The following PARG variants were observed in gnomAD, a reference collection of about 807,000 sequenced individuals.
The protein encoded by PARG is mitochondrial poly(ADP-ribose) glycohydrolase.
In PARG, 35 loss-of-function variants were observed where a neutral mutation model predicts 113.0. The observed-to-expected ratio is 0.31, with a 90% CI of 0.24 to 0.41. The LOEUF (loss-of-function observed/expected upper bound fraction) is 0.41, where lower values mean the gene tolerates loss of function less well. Among genes scored for constraint, PARG ranks in the 10% least tolerant of loss-of-function variants. The pLI is 1.00. For synonymous variants in PARG, 330 were observed against 409.9 expected (o/e 0.81, Z 2.36); for missense variants, 797 against 1,169.4 (o/e 0.68, Z 4.64).
chr10:49,832,966 G>T, intron 15 of PARG, 58 bp from the exon 16 acceptor site: 1 of 875,152 alleles, frequency 1.1e-6, no homozygotes, highest in Non-Finnish European at 1.8e-6. Flanking sequence ...CAGTGTTTCT[G>T]ACTGATGTAC....
In PARG at chr10:49,857,441, T is replaced by C. The variant is rs1253871270; in HGVS notation, c.2218A>G (p.Asn740Asp). The change falls in exon 13 of 18, where the codon AAT (asparagine) becomes GAT (aspartate). Residue 740 changes from asparagine to aspartate, a missense_variant. Coordinates refer to ENST00000616448, the MANE Select transcript of PARG (RefSeq NM_003631.5). ...GQGMLQVDFA[N>D]RFVGGGVTSA... The stretch of plus-strand genomic sequence containing the variant: ...GTTACACCACCTCCAACAAAACGAT[T>C]TGCAAAATCCACCTGTTGGGGAAAT... 5 of 1,612,736 alleles carry C rather than the reference T, an allele frequency of 3.1e-6. No homozygotes were observed. In the African/African-American group the frequency reaches 4.0e-5, roughly 13 times the overall value.
At chr10:49,879,231 A>G (rs1554838970) in intron 9 of PARG, among the ~76,000 whole-genome samples, 5 of 152,138 alleles carry the variant, frequency 3.3e-5, no homozygotes, top group Non-Finnish European at 7.3e-5. Context: ...AAGACAGCTC[A>G]TGACTTTAGA....
chr10:49,893,007 G>C (rs1415857909), intron 7 of PARG, among the ~76,000 whole-genome samples: 4 of 152,146 alleles, frequency 2.6e-5, no homozygotes, highest in Admixed American at 1.3e-4. Flanking sequence ...CTGTCCCCAG[G>C]TTTTGGCTAT....
Position 49,922,361 on chromosome 10 carries a change from T to C in PARG, c.1637A>G (p.Lys546Arg), listed in dbSNP as rs1554849510. The C allele has an allele frequency of 6.2e-7, 1 of 1,605,020 alleles. No homozygotes were observed. The highest frequency in any genetic ancestry group is 1.3e-5 in the African/African-American group (1 of 74,826). Residue 546 changes from lysine to arginine, a missense_variant, in exon 6 of 18, where the codon AAA (lysine) becomes AGA (arginine). Physicochemically the swap from Lys to Arg is conservative, Grantham distance 26. Coordinates refer to ENST00000616448, the MANE Select transcript of PARG (RefSeq NM_003631.5). ...WELIQTALLNKFTRPQNLKDA... is the reference protein window; with the variant it reads ...WELIQTALLNRFTRPQNLKDA... ...CTTCAAGTTTTGGGGTCGTGTAAATTTGTTGAGAAGTGCAGTCTGAATGAG... is the reference window on the plus strand; with the variant it reads ...CTTCAAGTTTTGGGGTCGTGTAAATCTGTTGAGAAGTGCAGTCTGAATGAG...
At chr10:49,907,808 T>C (rs1422265747) in intron 7 of PARG, among the ~76,000 whole-genome samples, 1 of 152,160 alleles carries the variant, frequency 6.6e-6, no homozygotes, top group South Asian at 2.1e-4. Context: ...AGCTAGCTGA[T>C]AGAGATATAA....
chr10:49,940,498 C>T (rs1838980150), intron 1 of PARG, among the ~76,000 whole-genome samples: 1 of 147,588 alleles, frequency 6.8e-6, no homozygotes, highest in African/African-American at 2.5e-5. Context: ...ATATCAATTG[C>T]ACTCCTGTTT....
At chr10:49,933,036 T>C (rs1271911203) in intron 3 of PARG, 141 bp downstream of exon 3, 6 of 643,976 alleles carry the variant, frequency 9.3e-6, no homozygotes, top group African/African-American at 7.3e-5. Context: ...CTTTGGAGTC[T>C]AGGTTTAAAT....
intron 4 of PARG, among the ~76,000 whole-genome samples, chr10:49,929,028 AAT>A (rs1838357213): frequency 6.6e-6 from 1 of 152,244 alleles, no homozygotes; most frequent in African/African-American, 2.4e-5. Flanking sequence ...TATTTTTTAC[AAT>A]AGTCTTGCAT....
In PARG at chr10:49,941,568, G is replaced by A; in HGVS notation, c.158C>T (p.Ser53Phe). Residue 53 changes from serine (S) to phenylalanine (F), a missense_variant, in exon 1 of 18, where the codon TCC becomes TTC. This residue lies in a region of PARG where 284 missense variants were observed against 306.1 expected (regional missense o/e 0.93). Transcript: ENST00000616448. ...DAHVQFRVPP[S>F]SPACVPGRAG... is the part of the protein sequence containing the mutation. The stretch of plus-strand genomic sequence containing the variant: ...CCGCCCTGGGACGCAGGCTGGCGAG[G>A]ACGGTGGGACCCTGAACTGCACGTG... 1.3e-6 allele frequency: 2 copies of A among 1,561,030 alleles called. No individual in the cohort carries two copies. Among genetic ancestry groups the A allele is most frequent in the South Asian group, 2.4e-5 (2 of 84,530 alleles).
chr10:49,828,092 CAAAAAAAAAAAAAAAAAAAA>C (rs71026274), intron 16 of PARG, among the ~76,000 whole-genome samples: 1 of 50,368 alleles, frequency 2.0e-5, no homozygotes, highest in Admixed American at 3.3e-4. Flanking sequence ...AAAGCTTAAA[CAAAAAAAAAAAAAAAAAAAA>C]AAAAAAAAAA....
At chr10:49,916,053 G>T (rs188837277) in intron 6 of PARG, 62 bp from the exon 7 acceptor site, 8 of 858,214 alleles carry the variant, frequency 9.3e-6, no homozygotes, top group Admixed American at 8.0e-5. Flanking sequence ...CCTATGAAGA[G>T]CCTGTCTCTT....
chr10:49,836,407 C>T (rs1320398348), intron 15 of PARG, among the ~76,000 whole-genome samples: 1 of 142,110 alleles, frequency 7.0e-6, no homozygotes, highest in Non-Finnish European at 1.5e-5. Context: ...AAGCGATTCT[C>T]CTGCCTCGGC....
intron 13 of PARG, among the ~76,000 whole-genome samples, chr10:49,844,777 C>T (rs1019315582): frequency 6.6e-5 from 10 of 151,824 alleles, no homozygotes; most frequent in African/African-American, 2.2e-4. Context: ...AAAAAACAAA[C>T]GAACAAACAA....
chr10:49,868,118 G>C (rs1454237521), intron 10 of PARG, among the ~76,000 whole-genome samples: 4 of 152,130 alleles, frequency 2.6e-5, no homozygotes, highest in Non-Finnish European at 5.9e-5. Context: ...CTCCCGAGTA[G>C]CTGGCATTAC....
At chr10:49,864,835 T>C (rs1846417938) in intron 11 of PARG, among the ~76,000 whole-genome samples, 1 of 135,380 alleles carries the variant, frequency 7.4e-6, no homozygotes, top group African/African-American at 2.8e-5. Flanking sequence ...AATCTACCAG[T>C]AGTACACAAG....
At chr10:49,880,228 G>C (rs548572330) in intron 8 of PARG, among the ~76,000 whole-genome samples, 2 of 152,264 alleles carry the variant, frequency 1.3e-5, no homozygotes, top group South Asian at 4.1e-4. Flanking sequence ...TTATTGGCCA[G>C]AATAATCTTT....
chr10:49,928,706 T>G (rs1483727348), intron 4 of PARG, among the ~76,000 whole-genome samples: 2 of 152,226 alleles, frequency 1.3e-5, no homozygotes, highest in African/African-American at 4.8e-5. Flanking sequence ...GCTCTGCCTA[T>G]GTTGCCCAGG....
intron 9 of PARG, among the ~76,000 whole-genome samples, 161 bp downstream of exon 9, chr10:49,879,512 C>T (rs1554839007): frequency 6.6e-6 from 1 of 151,274 alleles, no homozygotes; most frequent in African/African-American, 2.4e-5. Context: ...CTTTAATCAC[C>T]TTGCCTGCAA....
chr10:49,860,134 A>G (rs1224204358), intron 12 of PARG, among the ~76,000 whole-genome samples: 1 of 152,216 alleles, frequency 6.6e-6, no homozygotes, highest in East Asian at 1.9e-4. Context: ...GAGACATGGC[A>G]TGGGTAGGGA....
Sources: gnomAD v4.1 joint callset for allele counts (sites outside exome capture counted in the v4.1 genomes callset) on GRCh38, gnomAD v4.1.1 for gene constraint, gnomAD v4.1.1 regional missense constraint, MANE v1.5 for transcripts, NCBI Gene and HGNC (gene_info 2026-07-23, HGNC 2026-07-21) for gene names.